Variants in GPC5 observed in about 807,000 individuals in gnomAD.
The protein encoded by GPC5 is glypican-5.
Under a neutral mutation model 53.9 loss-of-function variants are expected in GPC5, and 47 were observed. The ratio of observed to expected loss-of-function variants is 0.87; its 90% confidence interval spans 0.69 to 1.11. The LOEUF (loss-of-function observed/expected upper bound fraction) is 1.11. Ranked by LOEUF, GPC5 falls within the 50% of genes most tolerant of loss-of-function variation. The probability of loss-of-function intolerance (pLI) is 0.00; values close to 1 mark genes in which losing one functional copy is unlikely to be tolerated. For missense variants in GPC5, 748 were observed against 713.1 expected, an observed-to-expected ratio of 1.05 and a Z score of -0.56; for synonymous variants, 286 against 263.3, an observed-to-expected ratio of 1.09 and a Z score of -0.84.
chr13:92,845,971 A>G (rs2138838787), intron 7 of GPC5, among the ~76,000 whole-genome samples: 1 of 152,282 alleles, frequency 6.6e-6, no homozygotes, highest in Non-Finnish European at 1.5e-5. Flanking sequence ...AAATGGCTCT[A>G]AGCTTCACAA....
At chr13:91,600,816 G>C (rs575033519) in intron 2 of GPC5, among the ~76,000 whole-genome samples, 1 of 152,090 alleles carries the variant, frequency 6.6e-6, no homozygotes, top group Admixed American at 6.5e-5. Context: ...CAGTATTACA[G>C]AATCGATTTA....
chr13:92,042,154 G>T (rs1414675217), intron 6 of GPC5, among the ~76,000 whole-genome samples: 1 of 152,084 alleles, frequency 6.6e-6, no homozygotes, highest in African/African-American at 2.4e-5. Flanking sequence ...CTTAGTATGG[G>T]GAGGGCCACT....
intron 1 of GPC5, among the ~76,000 whole-genome samples, chr13:91,446,823 T>A (rs7335359): frequency 0.077 from 11,677 of 152,258 alleles, 1,437 homozygotes; most frequent in African/African-American, 0.26. Context: ...TAAGCTTATC[T>A]TATAGGCGAT....
chr13:92,673,432 G>A (rs573560142), intron 7 of GPC5, among the ~76,000 whole-genome samples: 2 of 151,874 alleles, frequency 1.3e-5, no homozygotes, highest in South Asian at 4.2e-4. Flanking sequence ...CAGAAGGCAC[G>A]CACCATGATG....
chr13:91,579,691 C>T (rs1032760003), intron 2 of GPC5, among the ~76,000 whole-genome samples: 8 of 139,730 alleles, frequency 5.7e-5, no homozygotes, highest in African/African-American at 1.1e-4. Flanking sequence ...TGAAGAGGCG[C>T]GATCTCGGCT....
chr13:91,418,181 A>G (rs537388997), intron 1 of GPC5, among the ~76,000 whole-genome samples: 2 of 152,236 alleles, frequency 1.3e-5, no homozygotes, highest in African/African-American at 4.8e-5. Flanking sequence ...GTTTAGTACT[A>G]TGAATGGTTT....
chr13:92,743,616 CA>C (rs1208885500), intron 7 of GPC5, among the ~76,000 whole-genome samples: 1 of 152,084 alleles, frequency 6.6e-6, no homozygotes, highest in Non-Finnish European at 1.5e-5. Context: ...GAACTTCCAA[CA>C]CTATGTTGAA....
intron 7 of GPC5, among the ~76,000 whole-genome samples, chr13:92,329,726 A>G (rs2043275827): frequency 6.6e-6 from 1 of 152,182 alleles, no homozygotes; most frequent in Non-Finnish European, 1.5e-5. Context: ...TTAAATAAAA[A>G]CATGGAGTTT....
chr13:91,870,295 A>C (rs180853632), intron 5 of GPC5, among the ~76,000 whole-genome samples: 30 of 152,280 alleles, frequency 2.0e-4, no homozygotes, highest in African/African-American at 7.2e-4. Context: ...GAGTAGATAA[A>C]ATTGCCTGAA....
At position 91,693,816 on chromosome 13, in the gene GPC5, T is replaced by C. The variant is rs2035819273; in HGVS notation, c.955T>C (p.Phe319Leu). The C allele has an allele frequency of 4.3e-6, 7 of 1,612,914 alleles. No homozygotes were observed. Among genetic ancestry groups the C allele is most frequent in the South Asian group, 1.1e-5 (1 of 91,070 alleles). The change falls in exon 3 of 8, where the codon TTT becomes CTT. Residue 319 changes from phenylalanine to leucine, a missense_variant. Coordinates refer to ENST00000377067, the MANE Select transcript of GPC5 (RefSeq NM_004466.6). ...TYDIGHVLLN[F>L]HLLVNDAVLQ... ...CGACATTGGACACGTGCTGCTGAAC[T>C]TTCACTTGCTTGTTAATGATGCTGT...
intron 7 of GPC5, among the ~76,000 whole-genome samples, chr13:92,450,056 T>G (rs1594212360): frequency 6.6e-6 from 1 of 152,158 alleles, no homozygotes; most frequent in Non-Finnish European, 1.5e-5. Context: ...AAAGTAAAAC[T>G]AAACCAAATT....
chr13:92,711,085 G>T (rs958904133), intron 7 of GPC5, among the ~76,000 whole-genome samples: 1 of 152,108 alleles, frequency 6.6e-6, no homozygotes, highest in Non-Finnish European at 1.5e-5. Context: ...ATTTTATATT[G>T]AATGTTAAAT....
intron 7 of GPC5, among the ~76,000 whole-genome samples, chr13:92,734,539 G>C (rs1373118953): frequency 6.6e-6 from 1 of 151,794 alleles, no homozygotes; most frequent in African/African-American, 2.4e-5. Context: ...AATTAAACAA[G>C]ATAAAGAAGC....
chr13:92,572,560 A>T (rs1883063371), intron 7 of GPC5, among the ~76,000 whole-genome samples: 1 of 152,182 alleles, frequency 6.6e-6, no homozygotes, highest in African/African-American at 2.4e-5. Context: ...TAGGCAAAAA[A>T]GGGGGTTTCT....
intron 6 of GPC5, among the ~76,000 whole-genome samples, chr13:91,933,629 G>T (rs2039842973): frequency 6.6e-6 from 1 of 151,892 alleles, no homozygotes; most frequent in Admixed American, 6.6e-5. Context: ...TCAGGTATTA[G>T]CTAGGGAAGC....
chr13:92,057,308 AAAAC>A (rs71200559), intron 6 of GPC5, among the ~76,000 whole-genome samples: 77,752 of 144,884 alleles, frequency 0.54, 20,566 homozygotes, highest in East Asian at 0.79. Context: ...CAAAAAACAA[AAAAC>A]AAACAAAAAA....
chr13:91,777,295 T>A (rs768620433), intron 5 of GPC5, among the ~76,000 whole-genome samples: 1 of 152,238 alleles, frequency 6.6e-6, no homozygotes, highest in East Asian at 1.9e-4. Flanking sequence ...TGTTGATTTC[T>A]TTCCCTTTTT....
intron 5 of GPC5, among the ~76,000 whole-genome samples, chr13:91,804,488 C>A (rs370531993): frequency 2.0e-5 from 3 of 152,158 alleles, no homozygotes; most frequent in African/African-American, 4.8e-5. Flanking sequence ...GGAAAAATTT[C>A]TTGACATCTT....
At chr13:91,483,490 A>G (rs891085348) in intron 2 of GPC5, among the ~76,000 whole-genome samples, 3 of 152,082 alleles carry the variant, frequency 2.0e-5, no homozygotes, top group Non-Finnish European at 4.4e-5. Context: ...CCTGTTGCCT[A>G]TTATGACGCT....
Sources: gnomAD v4.1 joint callset for allele counts (sites outside exome capture counted in the v4.1 genomes callset) on GRCh38, gnomAD v4.1.1 for gene constraint, MANE v1.5 for transcripts, NCBI Gene and HGNC (gene_info 2026-07-23, HGNC 2026-07-21) for gene names.